Variants in RP1 observed in about 807,000 individuals in gnomAD.
The protein encoded by RP1 is RP1 axonemal microtubule associated.
A neutral mutation model predicts 14.8 loss-of-function variants in RP1; 16 were observed. The ratio of observed to expected loss-of-function variants is 1.08; its 90% confidence interval spans 0.73 to 1.65. The LOEUF is 1.65. Ranked by LOEUF, RP1 falls within the 40% of genes most tolerant of loss-of-function variation. RP1 has a pLI of 0.00. For synonymous variants in RP1, 876 were observed against 883.6 expected, an observed-to-expected ratio of 0.99 and a Z score of 0.15; for missense variants, 2,631 against 2,535.0, an observed-to-expected ratio of 1.04 and a Z score of -0.81.
At position 54,627,361 on chromosome 8, in the gene RP1, C is replaced by T. The variant is rs377034289; in HGVS notation, c.3479C>T (p.Thr1160Ile). 16 of 1,614,144 alleles carry T rather than the reference C, an allele frequency of 9.9e-6. No individual in the cohort carries two copies. The African/African-American group carries it at 1.7e-4, about 17-fold the overall frequency. The change falls in exon 4 of 4, where the codon ACA becomes ATA. Residue 1160 changes from threonine (T) to isoleucine (I), a missense_variant. Thr to Ile is a moderately conservative substitution (Grantham distance 89). Transcript: ENST00000220676. ...AAGGCTACCAACAAATCTTCAGAAACACTTGCATTGTTGGAGATTCTAAAG... is the reference window on the plus strand; with the variant it reads ...AAGGCTACCAACAAATCTTCAGAAATACTTGCATTGTTGGAGATTCTAAAG... ...AHKATNKSSE[T>I]LALLEILKHI...
At chr8:54,823,246 C>T (rs1177550819) in intron 24 of RP1, among the ~76,000 whole-genome samples, 3 of 152,208 alleles carry the variant, frequency 2.0e-5, no homozygotes, top group African/African-American at 7.2e-5. Flanking sequence ...AAACATGCTT[C>T]TCTTTTATAT....
At chr8:54,824,193 G>A (rs535445515) in intron 24 of RP1, among the ~76,000 whole-genome samples, 79 of 151,856 alleles carry the variant, frequency 5.2e-4, no homozygotes, top group Non-Finnish European at 8.4e-4. Flanking sequence ...AAAAAGAGAA[G>A]ATAAATTACT....
At chr8:54,827,948 A>G (rs1052657560) in intron 24 of RP1, among the ~76,000 whole-genome samples, 2 of 151,988 alleles carry the variant, frequency 1.3e-5, no homozygotes, top group African/African-American at 4.8e-5. Context: ...CTTTTTTGTT[A>G]AAAATAAGAT....
At chr8:54,572,726 A>C (rs1468512542) in intron 1 of RP1, among the ~76,000 whole-genome samples, 1 of 152,160 alleles carries the variant, frequency 6.6e-6, no homozygotes, top group South Asian at 2.1e-4. Flanking sequence ...TATGTACTCA[A>C]TGTCTACTCC....
In RP1 at chr8:54,566,692, G is replaced by A. The variant is rs568718149; in HGVS notation, c.-13+7372G>A. The stretch of plus-strand genomic sequence containing the variant: ...TTTGTAACCTGAGGCTGGCCAAGGA[G>A]AGCTATAGATGGTGGCTCCCAGCTG... On this transcript the variant is annotated intron_variant, in intron 1 of 22. Transcript: ENST00000636932. Among the ~76,000 whole-genome samples, 150 of 152,268 alleles carry A rather than the reference G, an allele frequency of 9.9e-4. 1 individual carries two copies. In the Middle Eastern group the frequency reaches 0.024, roughly 24 times the overall value.
At chr8:54,806,245 C>A (rs1168049263) in intron 24 of RP1, among the ~76,000 whole-genome samples, 4 of 152,086 alleles carry the variant, frequency 2.6e-5, no homozygotes, top group Non-Finnish European at 5.9e-5. Flanking sequence ...TCTCGAACTC[C>A]TGACCTCGTG....
chr8:54,862,581 T>A (rs1585756746), intron 27 of RP1, among the ~76,000 whole-genome samples: 1 of 152,110 alleles, frequency 6.6e-6, no homozygotes, highest in Admixed American at 6.6e-5. Context: ...CACACACAGG[T>A]AACAGCCGCA....
intron 1 of RP1, among the ~76,000 whole-genome samples, chr8:54,577,555 ACTT>A (rs370096082): frequency 7.4e-6 from 1 of 135,982 alleles, no homozygotes; most frequent in African/African-American, 2.4e-5. Flanking sequence ...ATTCACACCC[ACTT>A]CTTAAGTCGT....
intron 3 of RP1, among the ~76,000 whole-genome samples, chr8:54,622,999 A>C (rs1054486005): frequency 6.6e-6 from 1 of 152,120 alleles, no homozygotes; most frequent in African/African-American, 2.4e-5. Flanking sequence ...TAGAGTACTG[A>C]TTGTTTTTTA....
At chr8:54,667,142 A>C (rs1455704619) in intron 7 of RP1, among the ~76,000 whole-genome samples, 1 of 151,824 alleles carries the variant, frequency 6.6e-6, no homozygotes, top group Admixed American at 6.6e-5. Flanking sequence ...ATTTTTGTAC[A>C]TCCCCATGCC....
At chr8:54,576,043 C>CTT (rs11443511) in intron 1 of RP1, among the ~76,000 whole-genome samples, 43,049 of 139,838 alleles carry the variant, frequency 0.31, 7,834 homozygotes, top group Non-Finnish European at 0.41. Context: ...CTGTCAGACT[C>CTT]TTTTTTTTTT....
chr8:54,828,434 A>ACCTTGACACC (rs1811437405), intron 24 of RP1, among the ~76,000 whole-genome samples: 2 of 152,120 alleles, frequency 1.3e-5, no homozygotes, highest in East Asian at 3.9e-4. Flanking sequence ...TGGTAGAAAG[A>ACCTTGACACC]CCTTGACACC....
At chr8:54,828,563 G>T (rs1811441982) in intron 24 of RP1, among the ~76,000 whole-genome samples, 1 of 152,132 alleles carries the variant, frequency 6.6e-6, no homozygotes, top group African/African-American at 2.4e-5. Flanking sequence ...CTAGTGCTGG[G>T]CTTCTTGTGT....
chr8:54,689,485 C>G (rs550477292), intron 12 of RP1, among the ~76,000 whole-genome samples: 1 of 152,012 alleles, frequency 6.6e-6, no homozygotes, highest in South Asian at 2.1e-4. Flanking sequence ...TTGGCATACC[C>G]AGCTCCTTCT....
intron 7 of RP1, among the ~76,000 whole-genome samples, chr8:54,667,997 C>T (rs184276697): frequency 6.6e-6 from 1 of 152,206 alleles, no homozygotes; most frequent in East Asian, 1.9e-4. Flanking sequence ...ATGAGGCCAG[C>T]GTCATCCTGA....
At chr8:54,755,036 C>T (rs1303034136) in intron 20 of RP1, 1 of 1,257,290 alleles carries the variant, frequency 8.0e-7, no homozygotes. Context: ...ATTTTTCCTG[C>T]TTCTAAGAGA....
At chr8:54,605,055 C>T (rs1002417243) in intron 1 of RP1, among the ~76,000 whole-genome samples, 13 of 152,036 alleles carry the variant, frequency 8.6e-5, no homozygotes, top group Non-Finnish European at 1.9e-4. Context: ...CTTCTCTGAT[C>T]TTAGTTATTT....
At chr8:54,620,899 T>C (rs985644710) in intron 1 of RP1, 56 bp from the exon 2 acceptor site, 5 of 1,473,236 alleles carry the variant, frequency 3.4e-6, no homozygotes, top group Middle Eastern at 1.7e-4. Context: ...GCATTAGTAT[T>C]ACCATGTATT....
intron 24 of RP1, among the ~76,000 whole-genome samples, chr8:54,832,517 T>C (rs1811556706): frequency 6.6e-6 from 1 of 151,810 alleles, no homozygotes; most frequent in Non-Finnish European, 1.5e-5. Context: ...CTTTACTCAT[T>C]ATATTCCTCT....
Sources: gnomAD v4.1 joint callset for allele counts (sites outside exome capture counted in the v4.1 genomes callset) on GRCh38, gnomAD v4.1.1 for gene constraint, MANE v1.5 for transcripts, NCBI Gene and HGNC (gene_info 2026-07-23, HGNC 2026-07-21) for gene names.